Variants in NCKAP1L observed in about 807,000 individuals in gnomAD.
The protein encoded by NCKAP1L is nck-associated protein 1-like.
A neutral mutation model predicts 139.2 loss-of-function variants in NCKAP1L; 53 were observed. The observed-to-expected ratio is 0.38, with a 90% CI of 0.31 to 0.48. The LOEUF (loss-of-function observed/expected upper bound fraction) is 0.48, where lower values mean the gene tolerates loss of function less well. NCKAP1L is among the 20% of genes least tolerant of loss of function. The pLI is 0.98. For synonymous variants in NCKAP1L, 468 were observed against 499.7 expected (o/e 0.94, Z 0.85); for missense variants, 1,151 against 1,381.9 (o/e 0.83, Z 2.65).
Position 54,509,877 on chromosome 12 carries a change from T to A in NCKAP1L, c.627T>A (p.His209Gln). The change falls in exon 7 of 31, where the codon CAT (histidine) becomes CAA (glutamine). Residue 209 changes from histidine (H) to glutamine (Q), a missense_variant. Physicochemically the swap from His to Gln is conservative, Grantham distance 24. Coordinates refer to ENST00000293373, the MANE Select transcript of NCKAP1L (RefSeq NM_005337.5). ...KAVSGALLSL[H>Q]FLFVRRNQGA... is the part of the protein sequence containing the mutation. ...TGAGTGGAGCCCTCCTCTCTTTGCA[T>A]TTCCTCTTTGTCCGAAGAAACCAGG... The A allele has an allele frequency of 1.2e-6, 2 of 1,614,234 alleles. No homozygotes were observed. Among genetic ancestry groups the A allele is most frequent in the Non-Finnish European group, 1.7e-6 (2 of 1,180,040 alleles).
rs748270117 is a variant in NCKAP1L at position 54,536,987 on chromosome 12, G to A, written c.3117G>A (p.Gln1039=). ...ATTGCTTGACCAAAGCCATCATCCAGGTGTCTGCTGCCCTCTTCACGCTCT... is the reference window on the plus strand; with the variant it reads ...ATTGCTTGACCAAAGCCATCATCCAAGTGTCTGCTGCCCTCTTCACGCTCT... The part of the protein sequence containing the change: ...NIHCLTKAII[Q]VSAALFTLYN... The change falls in exon 29 of 31, where the codon CAG becomes CAA. Residue 1039 remains glutamine (Q), a synonymous_variant. Transcript: ENST00000293373. 2 of 1,613,730 alleles carry A rather than the reference G, an allele frequency of 1.2e-6. No homozygotes were observed. The highest frequency in any genetic ancestry group is 8.5e-7 in the Non-Finnish European group (1 of 1,179,780).
intron 3 of NCKAP1L, among the ~76,000 whole-genome samples, chr12:54,506,839 AT>A (rs1956845235): frequency 7.6e-6 from 1 of 131,072 alleles, no homozygotes; most frequent in African/African-American, 3.0e-5. Context: ...TAATCTATCA[AT>A]TTTACTTTTT....
chr12:54,536,215 C>T lies in NCKAP1L; in HGVS notation c.3043C>T (p.Pro1015Ser), dbSNP rs375303752. The T allele has an allele frequency of 7.5e-5, 121 of 1,612,840 alleles. No individual in the cohort carries two copies. Among genetic ancestry groups the T allele is most frequent in the Non-Finnish European group, 9.6e-5 (113 of 1,179,528 alleles). ...TTCCCTCCCACTCCTTGCCACTGACCCTTCTTCCTTTTATAGCATTGAGAA... is the reference window on the plus strand; with the variant it reads ...TTCCCTCCCACTCCTTGCCACTGACTCTTCTTCCTTTTATAGCATTGAGAA... ...AVSLPLLATD[P>S]SSFYSIEKDG... The change falls in exon 28 of 31, where the codon CCT (proline) becomes TCT (serine). Residue 1015 changes from proline (P) to serine (S), a missense_variant. By Grantham distance (74) the Pro-to-Ser change is moderately conservative. Coordinates refer to ENST00000293373, the MANE Select transcript of NCKAP1L (RefSeq NM_005337.5).
In NCKAP1L at chr12:54,528,305, A is replaced by C; in HGVS notation, c.2434A>C (p.Met812Leu). The C allele has an allele frequency of 6.2e-7, 1 of 1,614,072 alleles. No individual in the cohort carries two copies. Among genetic ancestry groups the C allele is most frequent in the South Asian group, 1.1e-5 (1 of 91,076 alleles). The change falls in exon 22 of 31, where the codon ATG becomes CTG. Residue 812 changes from methionine (M) to leucine (L), a missense_variant. Coordinates refer to ENST00000293373, the MANE Select transcript of NCKAP1L (RefSeq NM_005337.5). ...TGGGACCATCATCCTCTCCCCAGCC[A>C]TGCAGGCCTTCGTCAGCCTGCCCAG... ...SSGTIILSPA[M>L]QAFVSLPREG...
chr12:54,526,825 G>C (rs76835498), intron 21 of NCKAP1L, 79 bp downstream of exon 21: 16 of 1,217,326 alleles, frequency 1.3e-5, no homozygotes, highest in South Asian at 5.2e-5. Context: ...CTCAGGGCCC[G>C]AGCATTTTAG....
Position 54,509,753 on chromosome 12 carries a change from C to T in NCKAP1L, c.591C>T (p.His197=), listed in dbSNP as rs752974183. Residue 197 remains histidine (H), a synonymous_variant, in exon 6 of 31, where the codon CAC becomes CAT. Coordinates refer to ENST00000293373, the MANE Select transcript of NCKAP1L (RefSeq NM_005337.5). ...LKKLTEEFGP[H]TKAVSGALLS... ...AGCTGACAGAAGAGTTTGGGCCTCA[C>T]ACAAAGGCAAGTTCCCTGACAATGG... The T allele has an allele frequency of 1.6e-5, 26 of 1,614,204 alleles. 1 individual carries two copies. The highest frequency in any genetic ancestry group is 1.6e-4 in the Middle Eastern group (1 of 6,062).
chr12:54,526,284 G>A (rs181183693), intron 20 of NCKAP1L, among the ~76,000 whole-genome samples: 260 of 152,244 alleles, frequency 1.7e-3, no homozygotes, highest in African/African-American at 5.6e-3. Flanking sequence ...TCAAGTCCCA[G>A]CTCTGCCACT....
intron 2 of NCKAP1L, among the ~76,000 whole-genome samples, chr12:54,500,132 T>C (rs1253781517): frequency 4.7e-5 from 7 of 150,472 alleles, no homozygotes; most frequent in Non-Finnish European, 3.0e-5. Context: ...TTTTCTTTTT[T>C]TTTTTTTTTG....
rs1164215951 is a variant in NCKAP1L at position 54,511,985 on chromosome 12, A to C, written c.821A>C (p.Asn274Thr). The C allele has an allele frequency of 3.7e-6, 6 of 1,614,190 alleles. No homozygotes were observed. Among genetic ancestry groups the C allele is most frequent in the Non-Finnish European group, 5.1e-6 (6 of 1,180,036 alleles). The change falls in exon 9 of 31, where the codon AAT (asparagine) becomes ACT (threonine). Residue 274 changes from asparagine (N) to threonine (T), a missense_variant. Physicochemically the swap from Asn to Thr is moderately conservative, Grantham distance 65. Transcript: ENST00000293373. ...CTTTGTCATGGGTGCCTCAACTCCA[A>C]TAGCCAGTGCCAGAAGCTGTGGAAG... ...FLLCHGCLNS[N>T]SQCQKLWKLC...
chr12:54,531,874 G>A (rs1227222005), intron 25 of NCKAP1L, 49 bp downstream of exon 25: 4 of 1,399,674 alleles, frequency 2.9e-6, no homozygotes, highest in Non-Finnish European at 4.0e-6. Context: ...TACCTCTGTG[G>A]GTAGGGTTTG....
At chr12:54,505,115 A>G (rs956691793) in intron 3 of NCKAP1L, among the ~76,000 whole-genome samples, 1 of 152,210 alleles carries the variant, frequency 6.6e-6, no homozygotes, top group Non-Finnish European at 1.5e-5. Context: ...ATCTTAGGCC[A>G]GTTTCTTTAT....
intron 20 of NCKAP1L, among the ~76,000 whole-genome samples, chr12:54,525,856 T>C (rs1193089739): frequency 2.0e-5 from 3 of 152,216 alleles, no homozygotes; most frequent in African/African-American, 7.2e-5. Flanking sequence ...CTGACTCTAA[T>C]TGTGAAATCT....
At chr12:54,499,604 C>A (rs954007981) in intron 2 of NCKAP1L, 139 bp downstream of exon 2, 3 of 596,196 alleles carry the variant, frequency 5.0e-6, no homozygotes, top group Non-Finnish European at 9.0e-6. Context: ...CAAGGCTCAA[C>A]CACAGGGCTT....
Position 54,521,200 on chromosome 12 carries a change from C to A in NCKAP1L, c.1840C>A (p.Leu614Met). The A allele has an allele frequency of 4.3e-6, 7 of 1,614,102 alleles. No individual in the cohort carries two copies. Among genetic ancestry groups the A allele is most frequent in the African/African-American group, 1.3e-5 (1 of 75,018 alleles). Residue 614 changes from leucine to methionine, a missense_variant, in exon 18 of 31, where the codon CTG (leucine) becomes ATG (methionine). By Grantham distance (15) the Leu-to-Met change is conservative (BLOSUM62 2). Transcript: ENST00000293373. Reference protein sequence around the residue: ...ELAKQTSNCVLEICAEQRNLS... With the variant: ...ELAKQTSNCVMEICAEQRNLS... ...GGCCAAGCAGACCAGCAATTGCGTC[C>A]TGGAGATCTGTGCTGAGCAGCGAAA...
At chr12:54,534,506 A>G (rs1020699501) in intron 26 of NCKAP1L, among the ~76,000 whole-genome samples, 1 of 152,224 alleles carries the variant, frequency 6.6e-6, no homozygotes, top group Non-Finnish European at 1.5e-5. Context: ...AGTGGTACCA[A>G]CGTAAGGAGG....
chr12:54,531,136 C>T (rs1484788920), intron 22 of NCKAP1L, 124 bp from the exon 23 acceptor site: 1 of 820,020 alleles, frequency 1.2e-6, no homozygotes, highest in Non-Finnish European at 2.0e-6. Context: ...ATTTTTGCTC[C>T]TTGACTTCTC....
At chr12:54,527,172 ATTG>A (rs1463025448) in intron 21 of NCKAP1L, among the ~76,000 whole-genome samples, 8 of 152,048 alleles carry the variant, frequency 5.3e-5, no homozygotes, top group Admixed American at 3.3e-4. Context: ...AGATGTGACT[ATTG>A]TTCTTAATAG....
chr12:54,510,354 T>A (rs1193355799), intron 7 of NCKAP1L: 2 of 430,522 alleles, frequency 4.6e-6, no homozygotes, highest in Non-Finnish European at 9.1e-6. Context: ...GACAGTGTCT[T>A]ACTCTGTCAC....
Position 54,546,354 on chromosome 12 carries a change from T to C in NCKAP1L, c.*3669T>C, listed in dbSNP as rs543119900. The C allele has an allele frequency of 1.9e-5, 2 of 104,164 alleles. No homozygotes were observed. The highest frequency in any genetic ancestry group is 3.9e-5 in the Non-Finnish European group (2 of 51,010). The allele number at this position is 104,164 out of a possible 1,614,324, so 6.5% of individuals were successfully genotyped here. A position where few individuals can be genotyped will look rare whatever the true frequency, so the allele number is the denominator to read the frequency against. On this transcript the variant is annotated 3_prime_UTR_variant, in exon 31 of 31. Transcript: ENST00000293373. Reference sequence around the variant, plus strand: ...CAGTCTGGGTGACAGAGCAAGATCCTGTCTCACAAAAAAAAAAAAAAAAAA... The same window carrying C: ...CAGTCTGGGTGACAGAGCAAGATCCCGTCTCACAAAAAAAAAAAAAAAAAA...
Sources: gnomAD v4.1 joint callset for allele counts (sites outside exome capture counted in the v4.1 genomes callset) on GRCh38, gnomAD v4.1.1 for gene constraint, MANE v1.5 for transcripts, NCBI Gene and HGNC (gene_info 2026-07-23, HGNC 2026-07-21) for gene names.